Variants in ULK4 observed in about 807,000 individuals in gnomAD.
The protein encoded by ULK4 is inactive serine/threonine-protein kinase ULK4.
A neutral mutation model predicts 160.6 loss-of-function variants in ULK4; 133 were observed. That is an observed-to-expected ratio of 0.83 (90% CI 0.72 to 0.96). The LOEUF (loss-of-function observed/expected upper bound fraction) is 0.96, where lower values mean the gene tolerates loss of function less well. Ranked by LOEUF, ULK4 falls within the 40% of genes least tolerant of loss-of-function variation. ULK4 has a pLI of 0.00. For missense variants in ULK4, 1,580 were observed against 1,499.5 expected, an observed-to-expected ratio of 1.05 and a Z score of -0.89; for synonymous variants, 534 against 539.8, an observed-to-expected ratio of 0.99 and a Z score of 0.15.
intron 32 of ULK4, among the ~76,000 whole-genome samples, chr3:41,467,294 G>A (rs893560253): frequency 4.6e-4 from 70 of 152,280 alleles, no homozygotes; most frequent in African/African-American, 1.4e-3. Context: ...TTGGGAGGCC[G>A]AGGTGGGCAG....
intron 32 of ULK4, among the ~76,000 whole-genome samples, chr3:41,562,779 A>G (rs1382538156): frequency 1.3e-5 from 2 of 152,060 alleles, no homozygotes; most frequent in African/African-American, 4.8e-5. Flanking sequence ...GAGTCTCCTG[A>G]ACACAGCACA....
chr3:41,457,311 T>C (rs1368077785), intron 33 of ULK4, among the ~76,000 whole-genome samples: 1 of 152,090 alleles, frequency 6.6e-6, no homozygotes, highest in African/African-American at 2.4e-5. Context: ...TAGGACTTTT[T>C]CCACCAGGAT....
chr3:41,719,465 A>G (rs1453370038), intron 22 of ULK4, among the ~76,000 whole-genome samples: 2 of 152,194 alleles, frequency 1.3e-5, no homozygotes, highest in Non-Finnish European at 2.9e-5. Context: ...CCAAAATAAA[A>G]ATCATCATCT....
intron 11 of ULK4, among the ~76,000 whole-genome samples, chr3:41,909,796 A>G (rs1698713507): frequency 6.6e-6 from 1 of 152,204 alleles, no homozygotes; most frequent in Non-Finnish European, 1.5e-5. Flanking sequence ...AAATATGGGT[A>G]AAACATATCA....
At chr3:41,350,107 T>C (rs931243849) in intron 35 of ULK4, among the ~76,000 whole-genome samples, 28 of 152,236 alleles carry the variant, frequency 1.8e-4, no homozygotes, top group African/African-American at 6.5e-4. Context: ...GTAAACTTGC[T>C]ATTCGTTATA....
chr3:41,370,567 T>TCC (rs2081343809), intron 35 of ULK4, among the ~76,000 whole-genome samples: 1 of 152,108 alleles, frequency 6.6e-6, no homozygotes, highest in Admixed American at 6.5e-5. Flanking sequence ...TTGGGGAACT[T>TCC]CCTACCCTAG....
At chr3:41,942,551 C>T (rs1618445) in intron 2 of ULK4, among the ~76,000 whole-genome samples, 124,263 of 151,754 alleles carry the variant, frequency 0.82, 54,905 homozygotes, top group Non-Finnish European at 0.98. Context: ...GGCGCGGTGG[C>T]TCACGCCTGT....
At chr3:41,558,041 G>A (rs1042418448) in intron 32 of ULK4, among the ~76,000 whole-genome samples, 3 of 152,108 alleles carry the variant, frequency 2.0e-5, no homozygotes, top group African/African-American at 7.2e-5. Flanking sequence ...ACATTACTTA[G>A]AGCAGCTTCT....
At chr3:41,894,090 T>C (rs758855125) in intron 16 of ULK4, among the ~76,000 whole-genome samples, 4 of 152,190 alleles carry the variant, frequency 2.6e-5, no homozygotes, top group Non-Finnish European at 4.4e-5. Context: ...TGAATTTTGG[T>C]ATCCAAGGGG....
chr3:41,562,713 G>A lies in ULK4; in HGVS notation c.3226+3312C>T, dbSNP rs561968383. Reference sequence around the variant, plus strand: ...TTTTTTTTTGCTTTCCATTTGCTTGGTAGATCTTCCTCCATCCCTTTATTT... The same window carrying A: ...TTTTTTTTTGCTTTCCATTTGCTTGATAGATCTTCCTCCATCCCTTTATTT... On this transcript the variant is annotated intron_variant, in intron 32 of 36. Transcript: ENST00000301831. Among the ~76,000 whole-genome samples the A allele has an allele frequency of 2.0e-5, 3 of 152,016 alleles. No homozygotes were observed. In the East Asian group the frequency reaches 5.8e-4, roughly 29 times the overall value.
At chr3:41,431,442 C>T (rs2082904956) in intron 34 of ULK4, among the ~76,000 whole-genome samples, 1 of 150,238 alleles carries the variant, frequency 6.7e-6, no homozygotes, top group East Asian at 1.9e-4. Flanking sequence ...AGCAAACATC[C>T]TAGGTAGGGG....
At chr3:41,830,792 T>C (rs530104837) in intron 18 of ULK4, among the ~76,000 whole-genome samples, 86 of 151,308 alleles carry the variant, frequency 5.7e-4, no homozygotes, top group Non-Finnish European at 9.3e-4. Context: ...AATCAGACAA[T>C]TGAAAGCATG....
At chr3:41,878,999 C>T (rs546995054) in intron 17 of ULK4, among the ~76,000 whole-genome samples, 4 of 152,162 alleles carry the variant, frequency 2.6e-5, no homozygotes, top group African/African-American at 9.6e-5. Flanking sequence ...TTAAATAACA[C>T]CAAAAGGGTG....
rs111680070 is a variant in ULK4 at position 41,357,048 on chromosome 3, A to T, written c.3678+41031T>A. Among the ~76,000 whole-genome samples the T allele has an allele frequency of 5.7e-3, 863 of 152,300 alleles. 8 individuals are homozygous for T. Among genetic ancestry groups the T allele is most frequent in the African/African-American group, 0.02 (823 of 41,548 alleles). On this transcript the variant is annotated intron_variant, in intron 35 of 36. Coordinates refer to ENST00000301831, the MANE Select transcript of ULK4 (RefSeq NM_017886.4). ...TCTAAGCCCTTTCCACTTTTCAGGC[A>T]TCTTCTGCAACCACTGGAGGGTGTT...
intron 30 of ULK4, among the ~76,000 whole-genome samples, chr3:41,653,895 T>C (rs181855546): frequency 1.1e-3 from 166 of 152,312 alleles, no homozygotes; most frequent in African/African-American, 3.8e-3. Flanking sequence ...ACTGAATCCA[T>C]AGTCAGATTT....
intron 17 of ULK4, among the ~76,000 whole-genome samples, chr3:41,858,811 CTT>C (rs910234108): frequency 6.9e-6 from 1 of 145,070 alleles, no homozygotes; most frequent in African/African-American, 2.6e-5. Flanking sequence ...GGCCCAAATT[CTT>C]TTTTCCCCCC....
intron 34 of ULK4, among the ~76,000 whole-genome samples, chr3:41,410,527 G>A (rs976221253): frequency 6.6e-6 from 1 of 152,122 alleles, no homozygotes; most frequent in Non-Finnish European, 1.5e-5. Flanking sequence ...AGGGAATGGG[G>A]AATGACTTTT....
Position 41,449,394 on chromosome 3 carries a change from G to A in ULK4, c.3492+6103C>T, listed in dbSNP as rs141960836. Among the ~76,000 whole-genome samples the A allele has an allele frequency of 9.2e-5, 14 of 152,218 alleles. No homozygotes were observed. In the East Asian group the frequency reaches 9.7e-4, roughly 11 times the overall value. On this transcript the variant is annotated intron_variant, in intron 34 of 36. Transcript: ENST00000301831. ...CTGTTGAATCTGAGGTACTTATGGC[G>A]TATCCAGTGGAAATGTCCAGAAGGC...
intron 2 of ULK4, among the ~76,000 whole-genome samples, chr3:41,940,839 T>C (rs1194857522): frequency 2.0e-5 from 3 of 152,132 alleles, no homozygotes; most frequent in Non-Finnish European, 4.4e-5. Flanking sequence ...AGAATACTTG[T>C]GCATAAAAAA....
Sources: allele counts gnomAD v4.1 joint callset (sites outside exome capture counted in the v4.1 genomes callset), GRCh38; gene constraint gnomAD v4.1.1; transcripts MANE v1.5; gene names NCBI Gene and HGNC (gene_info 2026-07-23, HGNC 2026-07-21).